Variants in TEAD4 observed in about 807,000 individuals in gnomAD.
TEAD4 encodes the protein TEA domain transcription factor 4.
A neutral mutation model predicts 52.4 loss-of-function variants in TEAD4; 36 were observed. That is an observed-to-expected ratio of 0.69 (90% CI 0.53 to 0.91). The LOEUF (loss-of-function observed/expected upper bound fraction) is 0.91. Ranked by LOEUF, TEAD4 falls within the 40% of genes least tolerant of loss-of-function variation. TEAD4 has a pLI of 0.00. For missense variants in TEAD4, 508 were observed against 583.9 expected (o/e 0.87, Z 1.34); for synonymous variants, 220 against 231.0 (o/e 0.95, Z 0.43).
At chr12:3,018,654 TG>T in intron 7 of TEAD4, 66 bp downstream of exon 7, 1 of 1,605,398 alleles carries the variant, frequency 6.2e-7, no homozygotes, top group Non-Finnish European at 8.5e-7. Context: ...CATAAACTCA[TG>T]GCATTAAGCC....
At chr12:2,978,214 T>G (rs1488170417) in intron 2 of TEAD4, among the ~76,000 whole-genome samples, 2 of 152,170 alleles carry the variant, frequency 1.3e-5, no homozygotes, top group African/African-American at 4.8e-5. Flanking sequence ...ACAATTTTTT[T>G]GGTGAAATAT....
At chr12:2,963,297 T>TTC (rs2098217410) in intron 2 of TEAD4, among the ~76,000 whole-genome samples, 2 of 152,190 alleles carry the variant, frequency 1.3e-5, no homozygotes, top group Non-Finnish European at 2.9e-5. Flanking sequence ...TCCTTCTCCT[T>TTC]CCCAGTGGAA....
intron 3 of TEAD4, among the ~76,000 whole-genome samples, chr12:2,998,989 C>T (rs573008632): frequency 2.0e-5 from 3 of 152,300 alleles, no homozygotes; most frequent in Non-Finnish European, 2.9e-5. Flanking sequence ...TTACCAGTCC[C>T]GGGGGCCGAG....
chr12:2,975,844 C>T (rs997843073), intron 2 of TEAD4, among the ~76,000 whole-genome samples: 2 of 152,120 alleles, frequency 1.3e-5, no homozygotes, highest in African/African-American at 4.8e-5. Context: ...TTTATTCATC[C>T]CTCCTTCCCA....
At chr12:3,012,862 A>T (rs1279344853) in intron 5 of TEAD4, among the ~76,000 whole-genome samples, 1 of 152,204 alleles carries the variant, frequency 6.6e-6, no homozygotes, top group Non-Finnish European at 1.5e-5. Flanking sequence ...TGAGCTCTCC[A>T]TCAGGGAGGT....
chr12:3,012,650 C>G (rs1457796538), intron 5 of TEAD4, among the ~76,000 whole-genome samples: 1 of 152,150 alleles, frequency 6.6e-6, no homozygotes, highest in Non-Finnish European at 1.5e-5. Flanking sequence ...CTGGCAAATT[C>G]CTTCCTGCTT....
chr12:3,020,406 T>C (rs1442948590), intron 8 of TEAD4, among the ~76,000 whole-genome samples: 2 of 151,758 alleles, frequency 1.3e-5, no homozygotes, highest in East Asian at 3.9e-4. Context: ...GAGTGCTGAG[T>C]GGCCCGAGTT....
At chr12:3,026,626 C>A (rs4766025) in intron 10 of TEAD4, among the ~76,000 whole-genome samples, 139,495 of 152,300 alleles carry the variant, frequency 0.92, 65,110 homozygotes, top group East Asian at 1. Context: ...GTAAGGAACC[C>A]GGGAAAGGTA....
intron 3 of TEAD4, among the ~76,000 whole-genome samples, chr12:2,998,760 G>A (rs1303013614): frequency 6.6e-6 from 1 of 152,116 alleles, no homozygotes; most frequent in Non-Finnish European, 1.5e-5. Context: ...GGAGAGTGGG[G>A]CTTTAACCCA....
chr12:2,975,344 TC>T (rs2098228701), intron 2 of TEAD4, among the ~76,000 whole-genome samples: 1 of 150,582 alleles, frequency 6.6e-6, no homozygotes, highest in South Asian at 2.1e-4. Flanking sequence ...AATTAATGAG[TC>T]AATATCGGCA....
chr12:2,977,612 TTGACAGG>T (rs2098230839), intron 2 of TEAD4, among the ~76,000 whole-genome samples: 1 of 152,204 alleles, frequency 6.6e-6, no homozygotes, highest in African/African-American at 2.4e-5. Context: ...TCATCCCCAT[TTGACAGG>T]TGATGAAACA....
rs1354513154 is a variant in TEAD4, at chr12:2,970,383, T to A, written c.-30+10343T>A. On this transcript the variant is annotated intron_variant, in intron 2 of 12. Coordinates refer to ENST00000359864, the MANE Select transcript of TEAD4 (RefSeq NM_003213.4). ...TTAACACCTGGGTGGGATAATAAGG[T>A]TAATAGAACCAACCTCATACGGTGT... 9.2e-5 allele frequency among the ~76,000 whole-genome samples: 14 copies of A among 152,212 alleles called. No homozygotes were observed. In the East Asian group the frequency reaches 2.5e-3, roughly 27 times the overall value.
chr12:3,032,733 G>A (rs890986732), intron 10 of TEAD4, among the ~76,000 whole-genome samples: 2 of 151,990 alleles, frequency 1.3e-5, no homozygotes, highest in African/African-American at 4.8e-5. Flanking sequence ...GCCTGGGCAG[G>A]TGAAATCAGA....
In TEAD4 at chr12:3,003,656, G is replaced by A. The variant is rs538039069; in HGVS notation, c.227-7348G>A. ...CCTTCGCCCCCGGTGGGGTGGGGCC[G>A]TGGGTGTGAGCTGGGGGCTGTCGGA... On this transcript the variant is annotated intron_variant, in intron 3 of 12. Coordinates refer to ENST00000359864, the MANE Select transcript of TEAD4 (RefSeq NM_003213.4). Among the ~76,000 whole-genome samples, 23 of 152,308 alleles carry A rather than the reference G, an allele frequency of 1.5e-4. No individual in the cohort carries two copies. In the East Asian group the frequency reaches 2.1e-3, roughly 14 times the overall value.
At chr12:2,999,054 C>G (rs1380924565) in intron 3 of TEAD4, among the ~76,000 whole-genome samples, 1 of 152,236 alleles carries the variant, frequency 6.6e-6, no homozygotes, top group Non-Finnish European at 1.5e-5. Context: ...CAGTGCTGAC[C>G]AGCCCGGCTG....
rs1449920834 is a variant in TEAD4 at position 2,959,636 on chromosome 12, G to T, written c.-123+155G>T. ...GGACCTCTGCGCTCCGACGCGCTCC[G>T]TCCCGACCTCTGGCTTCCCTCCGCG... is the stretch of plus-strand genomic sequence containing the variant. On this transcript the variant is annotated intron_variant, in intron 1 of 12. Transcript: ENST00000359864. The surrounding 1 kb of genome is among the most constrained non-coding windows in gnomAD (Gnocchi z 5.1). Among the ~76,000 whole-genome samples, 1 of 150,834 alleles carries T rather than the reference G, an allele frequency of 6.6e-6. No individual in the cohort carries two copies. Among genetic ancestry groups the T allele is most frequent in the African/African-American group, 2.4e-5 (1 of 41,272 alleles).
At position 3,040,405 on chromosome 12, in the gene TEAD4, T is replaced by A. The variant is rs1301295641; in HGVS notation, c.1232T>A (p.Ile411Asn). The change falls in exon 13 of 13, where the codon ATT (isoleucine) becomes AAT (asparagine). Residue 411 changes from isoleucine to asparagine, a missense_variant. By Grantham distance (149) the Ile-to-Asn change is moderately radical (BLOSUM62 -3). Transcript: ENST00000359864. ...GACACACAGGAGACCTTGCTGTGCA[T>A]TGCCTATGTCTTTGAGGTGTCAGCC... is the stretch of plus-strand genomic sequence containing the variant. 6.2e-7 allele frequency: 1 copy of A among 1,614,178 alleles called. No homozygotes were observed. Among genetic ancestry groups the A allele is most frequent in the African/African-American group, 1.3e-5 (1 of 75,032 alleles).
intron 2 of TEAD4, among the ~76,000 whole-genome samples, chr12:2,966,596 A>G (rs1565520444): frequency 6.6e-6 from 1 of 151,628 alleles, no homozygotes; most frequent in African/African-American, 2.4e-5. Flanking sequence ...TATTTTTAGT[A>G]GAAACAGGGT....
intron 2 of TEAD4, among the ~76,000 whole-genome samples, chr12:2,969,182 G>A (rs2098223056): frequency 6.6e-6 from 1 of 152,178 alleles, no homozygotes; most frequent in Non-Finnish European, 1.5e-5. Flanking sequence ...CAGTGTTCAG[G>A]GGAAAACATT....
Sources: allele counts gnomAD v4.1 joint callset (sites outside exome capture counted in the v4.1 genomes callset), GRCh38; gene constraint gnomAD v4.1.1; non-coding constraint Gnocchi (gnomAD v3.1); transcripts MANE v1.5; gene names NCBI Gene and HGNC (gene_info 2026-07-23, HGNC 2026-07-21).